The following NXPE2 variants were observed in gnomAD, a reference collection of about 807,000 sequenced individuals.
The protein encoded by NXPE2 is neurexophilin and PC-esterase domain family member 2.
A neutral mutation model predicts 34.4 loss-of-function variants in NXPE2; 34 were observed. The ratio of observed to expected loss-of-function variants is 0.99; its 90% CI spans 0.75 to 1.31. The LOEUF is 1.31. Among genes scored for constraint, NXPE2 ranks in the 40% most tolerant of loss-of-function variants. NXPE2 has a pLI of 0.00. For synonymous variants in NXPE2, 235 were observed against 231.3 expected (o/e 1.02, Z -0.15); for missense variants, 649 against 672.5 (o/e 0.97, Z 0.39).
chr11:114,594,312 C>T, the NXPE2 span, among the ~76,000 whole-genome samples: 1 of 152,110 alleles, frequency 6.6e-6, no homozygotes, highest in Admixed American at 6.6e-5. Context: ...CATACACCTA[C>T]TTTGTACCCA....
At chr11:114,742,708 T>C in the NXPE2 span, among the ~76,000 whole-genome samples, 1 of 150,648 alleles carries the variant, frequency 6.6e-6, no homozygotes, top group Non-Finnish European at 1.5e-5. Context: ...TTTGTGGGTA[T>C]TGGTCAAAGT....
chr11:114,557,105 G>A, the NXPE2 span, among the ~76,000 whole-genome samples: 1 of 151,936 alleles, frequency 6.6e-6, no homozygotes, highest in African/African-American at 2.4e-5. Flanking sequence ...TGTTGGCCAG[G>A]CTGGTCTCGA....
the NXPE2 span, among the ~76,000 whole-genome samples, chr11:114,648,574 G>A: frequency 2.0e-5 from 3 of 152,108 alleles, no homozygotes; most frequent in African/African-American, 7.2e-5. Context: ...TATCAAATAT[G>A]TATACCTCAT....
At chr11:114,531,557 A>G in the NXPE2 span, among the ~76,000 whole-genome samples, 2 of 152,114 alleles carry the variant, frequency 1.3e-5, no homozygotes, top group African/African-American at 4.8e-5. Flanking sequence ...ACCCCCTTCA[A>G]TGGCTTCTTG....
chr11:114,655,402 G>A, the NXPE2 span, among the ~76,000 whole-genome samples: 1 of 152,140 alleles, frequency 6.6e-6, no homozygotes, highest in Admixed American at 6.5e-5. Context: ...CTTGGATCAT[G>A]CCTGTGTCTT....
chr11:114,786,355 ACCCCCGCCC>A, the NXPE2 span, among the ~76,000 whole-genome samples: 1 of 127,220 alleles, frequency 7.9e-6, no homozygotes, highest in Non-Finnish European at 1.7e-5. Flanking sequence ...AGATCTTTCT[ACCCCCGCCC>A]CCCGCCCCAC....
chr11:114,630,186 T>C, the NXPE2 span, among the ~76,000 whole-genome samples: 8,581 of 151,772 alleles, frequency 0.057, 632 homozygotes, highest in East Asian at 0.33. Flanking sequence ...AAAGTTCATA[T>C]GGAACCAAAA....
chr11:114,813,330 A>G, the NXPE2 span, among the ~76,000 whole-genome samples: 3 of 152,302 alleles, frequency 2.0e-5, no homozygotes, highest in South Asian at 4.1e-4. Flanking sequence ...AAATCAGACC[A>G]TTCATCTCTC....
At chr11:114,705,636 A>C in intron 4 of NXPE2, 145 bp from the exon 5 acceptor site, 1 of 522,836 alleles carries the variant, frequency 1.9e-6, no homozygotes, top group East Asian at 3.3e-5. Context: ...TTATTAAATA[A>C]ATATTTGTGG....
At chr11:114,764,245 T>C in the NXPE2 span, among the ~76,000 whole-genome samples, 39 of 152,218 alleles carry the variant, frequency 2.6e-4, 1 homozygote, top group East Asian at 7.7e-4. Context: ...TTAAGGACAG[T>C]TGGGAATATT....
chr11:114,806,813 A>T, the NXPE2 span, among the ~76,000 whole-genome samples: 1 of 152,030 alleles, frequency 6.6e-6, no homozygotes, highest in African/African-American at 2.4e-5. Context: ...AAGGCAGGCC[A>T]ACATTCAGAT....
the NXPE2 span, among the ~76,000 whole-genome samples, chr11:114,723,283 A>G: frequency 6.6e-6 from 1 of 152,178 alleles, no homozygotes; most frequent in South Asian, 2.1e-4. Flanking sequence ...AATACACTGA[A>G]AAATTTACAA....
the NXPE2 span, among the ~76,000 whole-genome samples, chr11:114,661,338 G>T: frequency 9.9e-5 from 15 of 152,140 alleles, no homozygotes; most frequent in East Asian, 2.9e-3. Flanking sequence ...CTCTGCAAAG[G>T]TTCTTGAGTC....
the NXPE2 span, among the ~76,000 whole-genome samples, chr11:114,586,143 A>G: frequency 6.6e-6 from 1 of 152,182 alleles, no homozygotes; most frequent in South Asian, 2.1e-4. Context: ...AAGCTCATCT[A>G]TAAAATCTCC....
chr11:114,712,997 A>T, the NXPE2 span, among the ~76,000 whole-genome samples: 1 of 152,306 alleles, frequency 6.6e-6, no homozygotes, highest in Admixed American at 6.5e-5. Flanking sequence ...AACCTTGAGG[A>T]TATTATGCGA....
chr11:114,613,946 G>T, the NXPE2 span, among the ~76,000 whole-genome samples: 85 of 151,946 alleles, frequency 5.6e-4, 1 homozygote, highest in East Asian at 0.014. Flanking sequence ...TGCCTCTAGG[G>T]TAATCACTGT....
At chr11:114,618,745 C>T in the NXPE2 span, among the ~76,000 whole-genome samples, 2 of 151,996 alleles carry the variant, frequency 1.3e-5, no homozygotes, top group Non-Finnish European at 2.9e-5. Context: ...TAAGTGTTAT[C>T]TCGTGCGTAG....
At chr11:114,582,275 T>C in the NXPE2 span, 2 of 1,545,464 alleles carry the variant, frequency 1.3e-6, no homozygotes, top group East Asian at 4.5e-5. Flanking sequence ...TCTCAAGAAG[T>C]AATTATTTTT....
Position 114,698,490 on chromosome 11 carries a change from T to G in NXPE2, c.578T>G (p.Leu193Arg). ...GGCCAGGTTTCCCTGTCTCTGCTGC[T>G]CATCCACCCCAGTGAAGGGGTATCA... is the stretch of plus-strand genomic sequence containing the variant. ...WEGQVSLSLL[L>R]IHPSEGVSAL... Residue 193 changes from leucine to arginine, a missense_variant, in exon 3 of 6, where the codon CTC becomes CGC. Transcript: ENST00000389586. The G allele has an allele frequency of 1.2e-6, 2 of 1,614,166 alleles. No individual in the cohort carries two copies. Among genetic ancestry groups the G allele is most frequent in the Non-Finnish European group, 1.7e-6 (2 of 1,179,982 alleles).
Sources: allele counts gnomAD v4.1 joint callset (sites outside exome capture counted in the v4.1 genomes callset), GRCh38; gene constraint gnomAD v4.1.1; transcripts MANE v1.5; gene names NCBI Gene and HGNC (gene_info 2026-07-23, HGNC 2026-07-21).